Variants in LINGO2 observed in about 807,000 individuals in gnomAD.
LINGO2 encodes the protein leucine rich repeat and Ig domain containing 2.
Under a neutral mutation model 30.6 loss-of-function variants are expected in LINGO2, and 14 were observed. That is an observed-to-expected ratio of 0.46 (90% confidence interval 0.30 to 0.72). The LOEUF (loss-of-function observed/expected upper bound fraction) is 0.72. Ranked by LOEUF, LINGO2 falls within the 30% of genes least tolerant of loss-of-function variation. The pLI, the probability that LINGO2 is intolerant of heterozygous loss-of-function variation, is 0.07. For missense variants in LINGO2, 729 were observed against 751.7 expected (o/e 0.97, Z 0.35); for synonymous variants, 317 against 288.5 (o/e 1.10, Z -1.00).
intron 4 of LINGO2, among the ~76,000 whole-genome samples, chr9:28,197,035 C>T (rs1176395611): frequency 6.6e-6 from 1 of 151,852 alleles, no homozygotes; most frequent in Non-Finnish European, 1.5e-5. Context: ...TTCAAAGTAA[C>T]TAAAAGAGTG....
intron 1 of LINGO2, among the ~76,000 whole-genome samples, chr9:28,545,954 G>A (rs1821916985): frequency 6.6e-6 from 1 of 152,000 alleles, no homozygotes. Flanking sequence ...ACAGTTTTCT[G>A]TAGAAAATAC....
At position 28,348,188 on chromosome 9, in the gene LINGO2, C is replaced by A. The variant is rs372706689; in HGVS notation, c.-246+24648G>T. ...AACAGCTCCAGTCTACAGCTCCCAG[C>A]GTGAGCGACGCAGAAGACGGGTGAT... On this transcript the variant is annotated intron_variant, in intron 3 of 5. Transcript: ENST00000379992. Among the ~76,000 whole-genome samples, 5 of 152,210 alleles carry A rather than the reference C, an allele frequency of 3.3e-5. No individual in the cohort carries two copies. In the East Asian group the frequency reaches 5.8e-4, roughly 18 times the overall value.
chr9:28,435,462 T>C (rs1356781089), intron 2 of LINGO2, among the ~76,000 whole-genome samples: 12 of 152,082 alleles, frequency 7.9e-5, no homozygotes, highest in African/African-American at 1.7e-4. Flanking sequence ...TGCCATGTAA[T>C]AGAAAAATAG....
the LINGO2 span, among the ~76,000 whole-genome samples, chr9:28,935,984 G>T: frequency 6.6e-6 from 1 of 152,110 alleles, no homozygotes; most frequent in African/African-American, 2.4e-5. Context: ...TAGAGAAAAT[G>T]AGTATTTTGT....
At chr9:27,949,417 G>T in exon 6 of LINGO2, 1 of 1,614,122 alleles carries the variant, frequency 6.2e-7, no homozygotes, top group East Asian at 2.2e-5. Context: ...ACTAGCAGAT[G>T]CTGCAACTTC....
intron 1 of LINGO2, among the ~76,000 whole-genome samples, chr9:28,488,113 C>T (rs1826246057): frequency 6.6e-6 from 1 of 152,120 alleles, no homozygotes; most frequent in Non-Finnish European, 1.5e-5. Context: ...AACATTTCTC[C>T]CACTTTCCCC....
At chr9:28,320,561 T>C (rs2134296931) in intron 3 of LINGO2, among the ~76,000 whole-genome samples, 2 of 152,290 alleles carry the variant, frequency 1.3e-5, no homozygotes, top group Admixed American at 1.3e-4. Flanking sequence ...ACAGGTATCT[T>C]TAGACGTTCA....
chr9:28,342,577 T>G (rs767217068), intron 3 of LINGO2, among the ~76,000 whole-genome samples: 1 of 152,000 alleles, frequency 6.6e-6, no homozygotes, highest in Admixed American at 6.6e-5. Context: ...CTTGGCTTCC[T>G]CTCATCTACA....
intron 3 of LINGO2, among the ~76,000 whole-genome samples, chr9:28,367,662 T>G (rs1434220615): frequency 6.6e-6 from 1 of 152,120 alleles, no homozygotes; most frequent in Non-Finnish European, 1.5e-5. Flanking sequence ...CCCTTTCTTC[T>G]CTCTCTGGAA....
At chr9:28,126,250 G>A (rs1233357987) in intron 4 of LINGO2, among the ~76,000 whole-genome samples, 1 of 152,002 alleles carries the variant, frequency 6.6e-6, no homozygotes, top group Admixed American at 6.6e-5. Flanking sequence ...GTATTTTATA[G>A]GCTTTGGCTA....
chr9:28,452,051 A>G (rs1824669602), intron 2 of LINGO2, among the ~76,000 whole-genome samples: 1 of 151,794 alleles, frequency 6.6e-6, no homozygotes. Context: ...TTTTATTTAC[A>G]TGTTTTACTT....
chr9:29,108,770 C>T, the LINGO2 span, among the ~76,000 whole-genome samples: 1 of 152,100 alleles, frequency 6.6e-6, no homozygotes, highest in Non-Finnish European at 1.5e-5. Context: ...TGCTTGAATT[C>T]CTGTTAATTT....
intron 1 of LINGO2, among the ~76,000 whole-genome samples, chr9:28,594,055 A>T (rs994398620): frequency 6.6e-5 from 10 of 152,104 alleles, no homozygotes; most frequent in Admixed American, 2.0e-4. Flanking sequence ...AAATAAAAAA[A>T]AACACAAAAG....
intron 1 of LINGO2, among the ~76,000 whole-genome samples, chr9:28,555,991 T>C (rs1337133800): frequency 6.6e-6 from 1 of 152,122 alleles, no homozygotes. Flanking sequence ...TGATGGGACA[T>C]ATTTCAAAAT....
chr9:28,403,168 C>T (rs546054899), intron 2 of LINGO2, among the ~76,000 whole-genome samples: 3 of 152,138 alleles, frequency 2.0e-5, no homozygotes, highest in Non-Finnish European at 2.9e-5. Context: ...AGATTTGCCT[C>T]GTACTTTTCC....
the LINGO2 span, among the ~76,000 whole-genome samples, chr9:29,107,431 C>T: frequency 6.6e-6 from 1 of 152,090 alleles, no homozygotes; most frequent in Non-Finnish European, 1.5e-5. Context: ...GCAGTTAAGG[C>T]TTTGGAGTCA....
the LINGO2 span, among the ~76,000 whole-genome samples, chr9:28,809,850 C>T: frequency 2.0e-5 from 3 of 151,968 alleles, no homozygotes; most frequent in African/African-American, 2.4e-5. Flanking sequence ...CATCACACTC[C>T]GGCTATTTTG....
the LINGO2 span, among the ~76,000 whole-genome samples, chr9:29,028,324 T>C: frequency 5.9e-3 from 887 of 151,460 alleles, 8 homozygotes; most frequent in African/African-American, 0.021. Context: ...AAAGGTGGAA[T>C]ATTGTGCAGT....
the LINGO2 span, among the ~76,000 whole-genome samples, chr9:28,891,993 T>C: frequency 3.4e-3 from 520 of 152,086 alleles, no homozygotes; most frequent in South Asian, 0.017. Flanking sequence ...TTTTCTATCC[T>C]TATCCCAGTG....
Sources: allele counts gnomAD v4.1 joint callset (sites outside exome capture counted in the v4.1 genomes callset), GRCh38; gene constraint gnomAD v4.1.1; transcripts MANE v1.5; gene names NCBI Gene and HGNC (gene_info 2026-07-23, HGNC 2026-07-21).